The following VAV3 variants were observed in gnomAD, a reference collection of about 807,000 sequenced individuals.
The protein encoded by VAV3 is vav guanine nucleotide exchange factor 3.
VAV3 carries 94 observed loss-of-function variants against 131.2 expected under a neutral mutation model. The observed-to-expected ratio is 0.72, with a 90% CI of 0.61 to 0.85. VAV3 has a LOEUF of 0.85. VAV3 is among the 40% of genes least tolerant of loss of function. The probability of loss-of-function intolerance (pLI) is 0.00; values close to 1 mark genes in which losing one functional copy is unlikely to be tolerated. For synonymous variants in VAV3, 349 were observed against 342.0 expected, an observed-to-expected ratio of 1.02 and a Z score of -0.22; for missense variants, 939 against 1,002.7, an observed-to-expected ratio of 0.94 and a Z score of 0.86.
chr1:107,809,563 A>G (rs1330948990), intron 2 of VAV3, among the ~76,000 whole-genome samples: 1 of 152,088 alleles, frequency 6.6e-6, no homozygotes, highest in Non-Finnish European at 1.5e-5. Context: ...TGAGAAAACT[A>G]AAATTTGTAA....
intron 15 of VAV3, among the ~76,000 whole-genome samples, chr1:107,745,159 T>C (rs899324071): frequency 1.3e-5 from 2 of 151,998 alleles, no homozygotes; most frequent in African/African-American, 4.8e-5. Flanking sequence ...GTTTCACATA[T>C]GACTAAATGG....
At chr1:107,884,082 C>G (rs1202654823) in intron 1 of VAV3, among the ~76,000 whole-genome samples, 3 of 151,116 alleles carry the variant, frequency 2.0e-5, no homozygotes, top group African/African-American at 7.3e-5. Flanking sequence ...TAGCACTCAA[C>G]TATTTTGTTA....
chr1:107,709,634 G>C (rs1660655536), intron 15 of VAV3, among the ~76,000 whole-genome samples: 1 of 152,318 alleles, frequency 6.6e-6, no homozygotes, highest in Non-Finnish European at 1.5e-5. Context: ...TGTCGTGAGA[G>C]GGACCAGGTG....
At chr1:107,618,112 G>A (rs139518329) in intron 20 of VAV3, among the ~76,000 whole-genome samples, 87 of 152,160 alleles carry the variant, frequency 5.7e-4, no homozygotes, top group African/African-American at 1.8e-3. Context: ...ATCTAATGCC[G>A]CCACTGATTT....
chr1:107,950,641 G>A (rs1210735160), intron 1 of VAV3, among the ~76,000 whole-genome samples: 2 of 152,218 alleles, frequency 1.3e-5, no homozygotes, highest in Non-Finnish European at 2.9e-5. Flanking sequence ...ACGGGCAAGG[G>A]CAGCAAAGCC....
intron 10 of VAV3, among the ~76,000 whole-genome samples, chr1:107,759,454 A>G (rs1035722259): frequency 1.3e-5 from 2 of 152,188 alleles, no homozygotes; most frequent in African/African-American, 2.4e-5. Flanking sequence ...TTTCGCCACT[A>G]AAGTATAGTA....
At chr1:107,755,725 G>C (rs911300935) in intron 11 of VAV3, among the ~76,000 whole-genome samples, 1 of 152,164 alleles carries the variant, frequency 6.6e-6, no homozygotes, top group African/African-American at 2.4e-5. Flanking sequence ...CTGAAGAGCT[G>C]TCATTTGTCA....
chr1:107,835,150 T>C (rs1668414912), intron 2 of VAV3, among the ~76,000 whole-genome samples: 1 of 152,186 alleles, frequency 6.6e-6, no homozygotes, highest in South Asian at 2.1e-4. Flanking sequence ...ACATCTGTAC[T>C]GCATGCTCCC....
chr1:107,791,853 C>A (rs1215363559), intron 2 of VAV3, among the ~76,000 whole-genome samples: 2 of 152,110 alleles, frequency 1.3e-5, no homozygotes, highest in African/African-American at 4.8e-5. Context: ...TATAATCTCA[C>A]AAAACCCATG....
intron 20 of VAV3, among the ~76,000 whole-genome samples, chr1:107,618,564 T>C (rs992937055): frequency 9.2e-5 from 14 of 152,344 alleles, no homozygotes; most frequent in Admixed American, 6.5e-4. Context: ...AAAATACTAA[T>C]ACTTATTGAA....
chr1:107,866,912 G>C (rs1043954702), intron 2 of VAV3, among the ~76,000 whole-genome samples: 1 of 142,550 alleles, frequency 7.0e-6, no homozygotes, highest in African/African-American at 2.6e-5. Flanking sequence ...TACCAAAATA[G>C]AAATGTCTCC....
intron 1 of VAV3, among the ~76,000 whole-genome samples, chr1:107,924,764 T>G (rs345306): frequency 0.4 from 60,811 of 151,940 alleles, 13,337 homozygotes; most frequent in Middle Eastern, 0.59. Flanking sequence ...GAAAAAAAAC[T>G]GTGACCATAT....
chr1:107,784,466 G>C (rs544802563), intron 2 of VAV3, among the ~76,000 whole-genome samples: 1 of 152,232 alleles, frequency 6.6e-6, no homozygotes, highest in South Asian at 2.1e-4. Context: ...TCAATTATGT[G>C]CAGATTTTGC....
intron 1 of VAV3, among the ~76,000 whole-genome samples, chr1:107,921,551 G>A (rs1402938539): frequency 6.6e-6 from 1 of 152,198 alleles, no homozygotes; most frequent in African/African-American, 2.4e-5. Flanking sequence ...CTGGAAAGTG[G>A]TAGGAAAGTT....
intron 1 of VAV3, among the ~76,000 whole-genome samples, chr1:107,951,055 A>G (rs1000944163): frequency 6.6e-6 from 1 of 152,220 alleles, no homozygotes; most frequent in African/African-American, 2.4e-5. Flanking sequence ...TTTCCTGACA[A>G]ATGCAAATGG....
intron 15 of VAV3, among the ~76,000 whole-genome samples, chr1:107,719,466 C>G (rs1426482893): frequency 1.3e-5 from 2 of 152,144 alleles, no homozygotes; most frequent in Non-Finnish European, 2.9e-5. Context: ...AAAAAATGCT[C>G]CTCATCACTG....
At chr1:107,790,251 C>T (rs1238044357) in intron 2 of VAV3, among the ~76,000 whole-genome samples, 1 of 152,212 alleles carries the variant, frequency 6.6e-6, no homozygotes, top group African/African-American at 2.4e-5. Context: ...TCCCATTTCC[C>T]CACTGCCTAC....
intron 17 of VAV3, among the ~76,000 whole-genome samples, chr1:107,691,888 T>C (rs1570761920): frequency 6.6e-6 from 1 of 152,176 alleles, no homozygotes; most frequent in Non-Finnish European, 1.5e-5. Flanking sequence ...ACAATTTTCA[T>C]GGAAGCTTTA....
chr1:107,663,825 G>A (rs1657214316), intron 19 of VAV3, among the ~76,000 whole-genome samples: 1 of 152,098 alleles, frequency 6.6e-6, no homozygotes, highest in Non-Finnish European at 1.5e-5. Flanking sequence ...TGATATTAGA[G>A]ACAAATGATT....
Sources: allele counts gnomAD v4.1 joint callset (sites outside exome capture counted in the v4.1 genomes callset), GRCh38; gene constraint gnomAD v4.1.1; transcripts MANE v1.5; gene names NCBI Gene and HGNC (gene_info 2026-07-23, HGNC 2026-07-21).